The following MAN1A2 variants were observed in gnomAD, a reference collection of about 807,000 sequenced individuals.
The protein encoded by MAN1A2 is mannosidase alpha class 1A member 2.
A neutral mutation model predicts 75.7 loss-of-function variants in MAN1A2; 26 were observed. The observed-to-expected ratio is 0.34, with a 90% CI of 0.25 to 0.48. The LOEUF (loss-of-function observed/expected upper bound fraction) is 0.48, where lower values mean the gene tolerates loss of function less well. Among genes scored for constraint, MAN1A2 ranks in the 20% least tolerant of loss-of-function variants. The pLI, the probability that MAN1A2 is intolerant of heterozygous loss-of-function variation, is 0.99. For missense variants in MAN1A2, 562 were observed against 775.5 expected (o/e 0.72, Z 3.27); for synonymous variants, 247 against 264.6 (o/e 0.93, Z 0.65).
chr1:117,385,042 T>G (rs1365936685), intron 1 of MAN1A2, among the ~76,000 whole-genome samples: 7 of 152,204 alleles, frequency 4.6e-5, no homozygotes, highest in African/African-American at 1.4e-4. Flanking sequence ...TTTTAGCGTA[T>G]GAACTTTGAT....
intron 1 of MAN1A2, among the ~76,000 whole-genome samples, chr1:117,377,072 A>G (rs993115722): frequency 3.9e-5 from 6 of 152,220 alleles, no homozygotes; most frequent in Non-Finnish European, 5.9e-5. Context: ...AGCCATATAT[A>G]CATGAACATA....
intron 12 of MAN1A2, among the ~76,000 whole-genome samples, chr1:117,507,899 A>G (rs1313624806): frequency 6.6e-6 from 1 of 151,718 alleles, no homozygotes; most frequent in African/African-American, 2.4e-5. Context: ...ATTCAGTGAA[A>G]TAGCAGTTGG....
chr1:117,431,604 A>T (rs1648662228), intron 5 of MAN1A2, among the ~76,000 whole-genome samples: 1 of 152,188 alleles, frequency 6.6e-6, no homozygotes, highest in African/African-American at 2.4e-5. Flanking sequence ...CCAAAAATAA[A>T]TTGTATGCTG....
At chr1:117,480,823 G>A (rs1044178429) in intron 8 of MAN1A2, among the ~76,000 whole-genome samples, 1 of 151,772 alleles carries the variant, frequency 6.6e-6, no homozygotes, top group African/African-American at 2.4e-5. Context: ...TCATGAACTT[G>A]AGGTTCAAAG....
At chr1:117,518,094 C>T (rs900713644) in intron 12 of MAN1A2, among the ~76,000 whole-genome samples, 14 of 151,742 alleles carry the variant, frequency 9.2e-5, no homozygotes, top group Non-Finnish European at 1.8e-4. Context: ...AAGATTGATC[C>T]AAATTCTGAA....
chr1:117,496,030 G>A (rs982392671), intron 9 of MAN1A2, among the ~76,000 whole-genome samples: 5 of 151,850 alleles, frequency 3.3e-5, no homozygotes, highest in African/African-American at 9.7e-5. Flanking sequence ...CTCCAGTTCT[G>A]TTAAACTCAC....
chr1:117,443,332 A>G (rs1386618701), intron 6 of MAN1A2, among the ~76,000 whole-genome samples: 1 of 152,204 alleles, frequency 6.6e-6, no homozygotes, highest in Non-Finnish European at 1.5e-5. Context: ...TGCACTATGT[A>G]TAGTGCAGAT....
chr1:117,392,422 T>C (rs557068379), intron 1 of MAN1A2, among the ~76,000 whole-genome samples: 145 of 152,322 alleles, frequency 9.5e-4, no homozygotes, highest in Middle Eastern at 3.4e-3. Flanking sequence ...TATACTTGTA[T>C]GGTTAACAAG....
chr1:117,522,129 A>G (rs1429751310), intron 12 of MAN1A2, among the ~76,000 whole-genome samples: 1 of 151,852 alleles, frequency 6.6e-6, no homozygotes. Flanking sequence ...AATCACTGCT[A>G]AAGAACTTAC....
chr1:117,423,028 T>G (rs958554078), intron 5 of MAN1A2, among the ~76,000 whole-genome samples: 1 of 152,214 alleles, frequency 6.6e-6, no homozygotes, highest in African/African-American at 2.4e-5. Context: ...CTTCCAAAAC[T>G]ATTATAGCTT....
intron 1 of MAN1A2, among the ~76,000 whole-genome samples, chr1:117,386,594 C>T (rs1324378909): frequency 1.3e-5 from 2 of 152,104 alleles, no homozygotes; most frequent in Non-Finnish European, 2.9e-5. Context: ...ACTGTCTGCA[C>T]CCTCTGGCTG....
At chr1:117,485,276 G>A (rs1264683884) in intron 8 of MAN1A2, among the ~76,000 whole-genome samples, 1 of 151,940 alleles carries the variant, frequency 6.6e-6, no homozygotes, top group Admixed American at 6.6e-5. Flanking sequence ...ACTAATTGCA[G>A]TTATCAAAGA....
intron 12 of MAN1A2, among the ~76,000 whole-genome samples, chr1:117,516,968 A>G (rs1471870291): frequency 6.6e-6 from 1 of 152,154 alleles, no homozygotes; most frequent in African/African-American, 2.4e-5. Context: ...GATTAAAGGC[A>G]GCAGTTTCTG....
chr1:117,426,040 T>G (rs1648360953), intron 5 of MAN1A2, among the ~76,000 whole-genome samples: 1 of 152,134 alleles, frequency 6.6e-6, no homozygotes, highest in South Asian at 2.1e-4. Flanking sequence ...TTAGTTTTTG[T>G]TAGTCTGAAA....
At chr1:117,368,623 G>C (rs1652851085) in intron 1 of MAN1A2, 138 bp downstream of exon 1, 3 of 768,532 alleles carry the variant, frequency 3.9e-6, no homozygotes, top group Non-Finnish European at 6.1e-6. Flanking sequence ...CTTCAAGACT[G>C]GCTGAATAAA....
At position 117,367,764 on chromosome 1, in the gene MAN1A2, A is replaced by G. The variant is rs1056696706; in HGVS notation, c.-420A>G. The G allele has an allele frequency of 3.1e-5, 5 of 163,136 alleles. No homozygotes were observed. Among genetic ancestry groups the G allele is most frequent in the Admixed American group, 1.2e-4 (2 of 16,236 alleles). 10.1% of individuals were successfully genotyped at this position (163,136 alleles called of 1,614,324 possible). Reference sequence around the variant, plus strand: ...GGAATAGAAGCGTCGAAGGAGATCAAGTGAACCTTCTACAACTCCTCGGAT... The same window carrying G: ...GGAATAGAAGCGTCGAAGGAGATCAGGTGAACCTTCTACAACTCCTCGGAT... On this transcript the variant is annotated 5_prime_UTR_variant, in exon 1 of 13. Coordinates refer to ENST00000356554, the MANE Select transcript of MAN1A2 (RefSeq NM_006699.5).
intron 10 of MAN1A2, among the ~76,000 whole-genome samples, chr1:117,498,500 C>T (rs1651102692): frequency 1.3e-5 from 2 of 151,786 alleles, no homozygotes. Flanking sequence ...AAGATACATT[C>T]CCTGCCTTTC....
intron 3 of MAN1A2, among the ~76,000 whole-genome samples, chr1:117,411,994 A>G (rs1647835471): frequency 6.6e-6 from 1 of 151,804 alleles, no homozygotes. Flanking sequence ...GTGTAGTTGT[A>G]TGTTTCTTAG....
chr1:117,397,257 A>C (rs1328014865), intron 1 of MAN1A2, among the ~76,000 whole-genome samples: 1 of 152,164 alleles, frequency 6.6e-6, no homozygotes, highest in Admixed American at 6.5e-5. Flanking sequence ...TAGATTTTCA[A>C]AATGTGTTTG....
Sources: allele counts gnomAD v4.1 joint callset (sites outside exome capture counted in the v4.1 genomes callset), GRCh38; gene constraint gnomAD v4.1.1; transcripts MANE v1.5; gene names NCBI Gene and HGNC (gene_info 2026-07-23, HGNC 2026-07-21).